MEOX2: variants seen among roughly 807,000 people sequenced by gnomAD.
MEOX2 encodes homeobox protein MOX-2.
In MEOX2, 11 loss-of-function variants were observed where a neutral mutation model predicts 27.0. That is an observed-to-expected ratio of 0.41 (90% CI 0.26 to 0.68). The LOEUF (loss-of-function observed/expected upper bound fraction) is 0.68, where lower values mean the gene tolerates loss of function less well. Ranked by LOEUF, MEOX2 falls within the 30% of genes least tolerant of loss-of-function variation. MEOX2 has a pLI of 0.33. For missense variants in MEOX2, 436 were observed against 385.4 expected (o/e 1.13, Z -1.10); for synonymous variants, 189 against 155.4 (o/e 1.22, Z -1.61).
intron 1 of MEOX2, among the ~76,000 whole-genome samples, chr7:15,673,015 G>A (rs576279487): frequency 6.6e-5 from 10 of 152,236 alleles, no homozygotes; most frequent in African/African-American, 2.2e-4. Flanking sequence ...AAGCATCTTC[G>A]AAATTTGCCC....
At chr7:15,685,786 T>C (rs1309966074) in intron 1 of MEOX2, 100 bp downstream of exon 1, 3 of 1,460,128 alleles carry the variant, frequency 2.1e-6, no homozygotes, top group African/African-American at 1.4e-5. Flanking sequence ...CATTCCCATC[T>C]TCCCTGCTGC....
At chr7:15,616,591 A>C (rs187070459) in intron 2 of MEOX2, among the ~76,000 whole-genome samples, 72 of 152,064 alleles carry the variant, frequency 4.7e-4, no homozygotes, top group Admixed American at 1.1e-3. Flanking sequence ...TAATGAAAAA[A>C]ACTTTTAGTT....
At chr7:15,661,802 G>C (rs965989951) in intron 1 of MEOX2, among the ~76,000 whole-genome samples, 1 of 152,070 alleles carries the variant, frequency 6.6e-6, no homozygotes, top group African/African-American at 2.4e-5. Context: ...GACATTATTA[G>C]TACCACTCTA....
intron 1 of MEOX2, among the ~76,000 whole-genome samples, chr7:15,673,807 G>T (rs1364333874): frequency 6.6e-6 from 1 of 151,942 alleles, no homozygotes; most frequent in African/African-American, 2.4e-5. Flanking sequence ...TAAGAGATGT[G>T]GAAAATCCTG....
At chr7:15,612,928 A>T (rs1245316398) in intron 2 of MEOX2, among the ~76,000 whole-genome samples, 1 of 152,230 alleles carries the variant, frequency 6.6e-6, no homozygotes, top group Non-Finnish European at 1.5e-5. Context: ...AGCTTCTGTG[A>T]ATTGGAGCTA....
chr7:15,667,289 C>CAAAAAAGAAAAAAA (rs1782023569), intron 1 of MEOX2, among the ~76,000 whole-genome samples: 1 of 40,980 alleles, frequency 2.4e-5, no homozygotes, highest in Admixed American at 4.3e-4. Context: ...GACTCTGTCT[C>CAAAAAAGAAAAAAA]AAAAAAAAAA....
rs1330135390 is a variant in MEOX2, at chr7:15,611,611, T to C, written c.*776A>G. 1 of 152,598 alleles carries C rather than the reference T, an allele frequency of 6.6e-6. No individual in the cohort carries two copies. Among genetic ancestry groups the C allele is most frequent in the African/African-American group, 2.4e-5 (1 of 41,448 alleles). 9.5% of individuals were successfully genotyped at this position (152,598 alleles called of 1,614,324 possible). A position where few individuals can be genotyped will look rare whatever the true frequency, so the allele number is the denominator to read the frequency against. ...CGTATTAGCAGCAGTTGATAGTAAA[T>C]GCAACATAAGATTTGTTTTGTCTGT... is the stretch of plus-strand genomic sequence containing the variant. On this transcript the variant is annotated 3_prime_UTR_variant, in exon 3 of 3. Coordinates refer to ENST00000262041, the MANE Select transcript of MEOX2 (RefSeq NM_005924.5).
intron 2 of MEOX2, among the ~76,000 whole-genome samples, chr7:15,612,908 G>A (rs1371147756): frequency 1.3e-5 from 2 of 152,164 alleles, no homozygotes; most frequent in African/African-American, 4.8e-5. Context: ...AAGCACTTGC[G>A]TCTATAAAGA....
At chr7:15,665,585 C>A (rs1223563418) in intron 1 of MEOX2, among the ~76,000 whole-genome samples, 1 of 152,048 alleles carries the variant, frequency 6.6e-6, no homozygotes, top group Non-Finnish European at 1.5e-5. Flanking sequence ...TATTCTTCCC[C>A]CAAAATGACC....
chr7:15,658,694 G>A (rs1781862962), intron 1 of MEOX2, among the ~76,000 whole-genome samples: 1 of 152,054 alleles, frequency 6.6e-6, no homozygotes, highest in African/African-American at 2.4e-5. Context: ...GGAGCCCTGA[G>A]GAACAGGATT....
chr7:15,612,908 G>T (rs1371147756), intron 2 of MEOX2, among the ~76,000 whole-genome samples: 2 of 152,164 alleles, frequency 1.3e-5, no homozygotes, highest in South Asian at 2.1e-4. Context: ...AAGCACTTGC[G>T]TCTATAAAGA....
chr7:15,674,986 G>A (rs1245750275), intron 1 of MEOX2, among the ~76,000 whole-genome samples: 1 of 102,822 alleles, frequency 9.7e-6, no homozygotes, highest in Non-Finnish European at 1.9e-5. Flanking sequence ...AAGGTTTCCT[G>A]GTGTTCTGCT....
chr7:15,629,361 A>G (rs1781363752), intron 1 of MEOX2, among the ~76,000 whole-genome samples: 1 of 152,058 alleles, frequency 6.6e-6, no homozygotes, highest in Admixed American at 6.6e-5. Context: ...TTATACAGCC[A>G]GTGACTGGAT....
intron 1 of MEOX2, among the ~76,000 whole-genome samples, chr7:15,666,938 C>G (rs1195234931): frequency 1.3e-4 from 20 of 150,536 alleles, no homozygotes; most frequent in Admixed American, 1.3e-3. Context: ...TGTTTTTCTT[C>G]AAAATGATTA....
chr7:15,680,383 A>G (rs1018628821), intron 1 of MEOX2: 1 of 151,936 alleles, frequency 6.6e-6, no homozygotes, highest in African/African-American at 2.4e-5. Context: ...TGGGCATCAG[A>G]TTTAGATTAA....
intron 2 of MEOX2, among the ~76,000 whole-genome samples, chr7:15,622,122 A>C (rs983434713): frequency 6.6e-6 from 1 of 152,174 alleles, no homozygotes; most frequent in African/African-American, 2.4e-5. Context: ...GTCTCAAAAA[A>C]CAAACACACA....
intron 1 of MEOX2, chr7:15,681,931 T>G (rs1323759746): frequency 6.6e-6 from 1 of 151,838 alleles, no homozygotes; most frequent in Non-Finnish European, 1.5e-5. Flanking sequence ...ATTTGCATTC[T>G]TCCTTCCATT....
intron 1 of MEOX2, among the ~76,000 whole-genome samples, chr7:15,650,493 T>C (rs916886544): frequency 6.6e-6 from 1 of 152,122 alleles, no homozygotes; most frequent in Non-Finnish European, 1.5e-5. Flanking sequence ...CCTTTGTATG[T>C]TTCATACGTG....
chr7:15,650,699 G>GT (rs964288024), intron 1 of MEOX2, among the ~76,000 whole-genome samples: 6 of 151,770 alleles, frequency 4.0e-5, no homozygotes, highest in African/African-American at 1.5e-4. Flanking sequence ...AAAAAATTGA[G>GT]TTTTTTTGGG....
Sources: gnomAD v4.1 joint callset for allele counts (sites outside exome capture counted in the v4.1 genomes callset) on GRCh38, gnomAD v4.1.1 for gene constraint, MANE v1.5 for transcripts, NCBI Gene and HGNC (gene_info 2026-07-23, HGNC 2026-07-21) for gene names.